CP: variants seen among roughly 807,000 people sequenced by gnomAD.
CP encodes the protein ceruloplasmin, also known as caeruloplasmin.
Under a neutral mutation model 122.4 loss-of-function variants are expected in CP, and 64 were observed. The observed-to-expected ratio is 0.52, with a 90% confidence interval of 0.43 to 0.64. The LOEUF (loss-of-function observed/expected upper bound fraction) is 0.64. Among genes scored for constraint, CP ranks in the 30% least tolerant of loss-of-function variants. The pLI, the probability that CP is intolerant of heterozygous loss-of-function variation, is 0.00. For synonymous variants in CP, 440 were observed against 436.4 expected (o/e 1.01, Z -0.10); for missense variants, 1,167 against 1,284.4 (o/e 0.91, Z 1.40).
chr3:149,211,359 G>A (rs1174142246), intron 2 of CP, among the ~76,000 whole-genome samples: 1 of 152,180 alleles, frequency 6.6e-6, no homozygotes, highest in Non-Finnish European at 1.5e-5. Flanking sequence ...TGAGGAAACT[G>A]AAGCTGAAAG....
At chr3:149,206,445 G>T in intron 5 of CP, 106 bp from the exon 6 acceptor site, 1 of 1,288,730 alleles carries the variant, frequency 7.8e-7, no homozygotes, top group Non-Finnish European at 1.1e-6. Context: ...TGAAGGAATA[G>T]ACAGATAGCA....
intron 5 of CP, 95 bp from the exon 6 acceptor site, chr3:149,206,434 T>C: frequency 7.1e-7 from 1 of 1,405,592 alleles, no homozygotes; most frequent in South Asian, 1.2e-5. Context: ...CAAGTAGAAA[T>C]TGAAGGAATA....
intron 9 of CP, among the ~76,000 whole-genome samples, chr3:149,193,589 T>A (rs1189285558): frequency 1.3e-5 from 2 of 152,230 alleles, no homozygotes; most frequent in Non-Finnish European, 2.9e-5. Flanking sequence ...ATGAAATATT[T>A]TCATATTAAA....
chr3:149,182,371 G>C (rs144446689), intron 13 of CP, among the ~76,000 whole-genome samples: 2 of 152,096 alleles, frequency 1.3e-5, no homozygotes, highest in African/African-American at 4.8e-5. Context: ...GCAGAGTACC[G>C]GTCTAATCAT....
intron 7 of CP, among the ~76,000 whole-genome samples, chr3:149,201,811 G>T (rs1727343649): frequency 6.6e-6 from 1 of 151,874 alleles, no homozygotes; most frequent in African/African-American, 2.4e-5. Context: ...GTCCAAGCTG[G>T]TCTCAAACTC....
chr3:149,217,848 T>C, intron 1 of CP: 1 of 435,124 alleles, frequency 2.3e-6, no homozygotes, highest in Non-Finnish European at 4.7e-6. Context: ...AGATCATAAT[T>C]ATAGTAATTA....
At chr3:149,199,668 G>T (rs753326729) in intron 8 of CP, 44 bp downstream of exon 8, 23 of 1,610,534 alleles carry the variant, frequency 1.4e-5, no homozygotes, top group African/African-American at 4.0e-5. Flanking sequence ...AGTACAGTGG[G>T]TTATTAAACA....
chr3:149,203,877 T>C (rs1360103458), intron 6 of CP, among the ~76,000 whole-genome samples: 1 of 152,166 alleles, frequency 6.6e-6, no homozygotes. Flanking sequence ...CAGGGTATTA[T>C]GGAGCATTTC....
intron 11 of CP, chr3:149,186,244 C>G (rs560958785): frequency 6.3e-6 from 3 of 477,728 alleles, no homozygotes; most frequent in African/African-American, 5.9e-5. Context: ...TTAAAAGGAC[C>G]ATAATCTAAA....
chr3:149,175,483 C>G (rs1168256858), intron 18 of CP, among the ~76,000 whole-genome samples: 1 of 151,998 alleles, frequency 6.6e-6, no homozygotes, highest in Non-Finnish European at 1.5e-5. Context: ...TTTGTATGTT[C>G]CCTTTTTCCC....
chr3:149,176,537 G>A (rs566617174), intron 17 of CP, 125 bp from the exon 18 acceptor site: 74 of 777,966 alleles, frequency 9.5e-5, no homozygotes, highest in Non-Finnish European at 1.3e-4. Context: ...AATCGAGCTC[G>A]TTTCTGTGTT....
At chr3:149,177,580 C>T (rs747694222) in intron 17 of CP, among the ~76,000 whole-genome samples, 1 of 152,146 alleles carries the variant, frequency 6.6e-6, no homozygotes, top group South Asian at 2.1e-4. Context: ...ACAGTGCCTA[C>T]ATATCATTTC....
rs1262065317 is a variant in CP at position 149,188,127 on chromosome 3, T to G, written c.1789A>C (p.Ile597Leu). 1.2e-6 allele frequency: 2 copies of G among 1,612,804 alleles called. No homozygotes were observed. Reference protein sequence around the residue: ...ENESLLLEDNIRMFTTAPDQV... With the variant: ...ENESLLLEDNLRMFTTAPDQV... Reference sequence around the variant, plus strand: ...TCAGGTGCAGTTGTAAACATTCTAATATTATCTTCCAGGAGTAAACTCTCA... The same window carrying G: ...TCAGGTGCAGTTGTAAACATTCTAAGATTATCTTCCAGGAGTAAACTCTCA... The change falls in exon 10 of 19, where the codon ATT becomes CTT. Residue 597 changes from isoleucine (I) to leucine (L), a missense_variant. Physicochemically the swap from Ile to Leu is conservative, Grantham distance 5. Transcript: ENST00000264613.
intron 15 of CP, among the ~76,000 whole-genome samples, chr3:149,179,106 C>T (rs1725615314): frequency 6.6e-6 from 1 of 152,178 alleles, no homozygotes; most frequent in African/African-American, 2.4e-5. Context: ...CACTCAGGCA[C>T]TTCACCCACC....
In CP at chr3:149,221,747, G is replaced by T; in HGVS notation, c.46C>A (p.Pro16Thr). 1 of 1,613,554 alleles carries T rather than the reference G, an allele frequency of 6.2e-7. No homozygotes were observed. The highest frequency in any genetic ancestry group is 8.5e-7 in the Non-Finnish European group (1 of 1,179,740). The change falls in exon 1 of 19, where the codon CCA becomes ACA. Residue 16 changes from proline (P) to threonine (T), a missense_variant. Transcript: ENST00000264613. The stretch of plus-strand genomic sequence containing the variant: ...TAATGCTTTTCTTTCGCCCAGGCTG[G>T]GGTACTACATAAAAACAGAAAAATA... Reference protein sequence around the residue: ...LGIFLFLCSTPAWAKEKHYYI... With the variant: ...LGIFLFLCSTTAWAKEKHYYI...
chr3:149,171,012 G>T (rs948726309), downstream of CP, among the ~76,000 whole-genome samples: 3 of 152,192 alleles, frequency 2.0e-5, no homozygotes, highest in African/African-American at 7.2e-5. Flanking sequence ...AGGTGCGGTG[G>T]CTCACGCCGG....
chr3:149,188,379 G>C (rs537022590), intron 9 of CP, among the ~76,000 whole-genome samples, 177 bp from the exon 10 acceptor site: 17 of 147,330 alleles, frequency 1.2e-4, no homozygotes, highest in Non-Finnish European at 1.9e-4. Context: ...AGCTTTCTTT[G>C]GTATCTGTTT....
chr3:149,215,162 G>C (rs148592646), intron 1 of CP, among the ~76,000 whole-genome samples: 28 of 152,210 alleles, frequency 1.8e-4, no homozygotes, highest in African/African-American at 6.7e-4. Context: ...AATTCTTAAG[G>C]CTTCATTTAA....
chr3:149,176,041 C>T, intron 18 of CP: 2 of 578,602 alleles, frequency 3.5e-6, no homozygotes, highest in African/African-American at 3.7e-5. Context: ...GGTGCTGTTA[C>T]AAGTACTGGC....
Sources: gnomAD v4.1 joint callset for allele counts (sites outside exome capture counted in the v4.1 genomes callset) on GRCh38, gnomAD v4.1.1 for gene constraint, MANE v1.5 for transcripts, NCBI Gene and HGNC (gene_info 2026-07-23, HGNC 2026-07-21) for gene names.